The following PLA2G4A variants were observed in gnomAD, a reference collection of about 807,000 sequenced individuals.
The protein encoded by PLA2G4A is cytosolic phospholipase A2.
A neutral mutation model predicts 81.9 loss-of-function variants in PLA2G4A; 40 were observed. The observed-to-expected ratio is 0.49, with a 90% CI of 0.38 to 0.64. PLA2G4A has a LOEUF of 0.64. PLA2G4A is among the 30% of genes least tolerant of loss of function. The pLI, the probability that PLA2G4A is intolerant of heterozygous loss-of-function variation, is 0.00. For missense variants in PLA2G4A, 715 were observed against 905.1 expected (o/e 0.79, Z 2.69); for synonymous variants, 302 against 296.9 (o/e 1.02, Z -0.18).
intron 15 of PLA2G4A, among the ~76,000 whole-genome samples, chr1:186,966,404 A>G (rs933330080): frequency 6.6e-6 from 1 of 152,152 alleles, no homozygotes; most frequent in East Asian, 1.9e-4. Flanking sequence ...GGGGAACAGT[A>G]TTGAAATGTC....
chr1:186,887,536 C>T (rs1200165452), intron 3 of PLA2G4A, among the ~76,000 whole-genome samples: 2 of 151,968 alleles, frequency 1.3e-5, no homozygotes, highest in Non-Finnish European at 2.9e-5. Context: ...TTTTGTTTGT[C>T]AAGATTTAGA....
At chr1:186,913,925 A>G (rs1250922565) in intron 7 of PLA2G4A, among the ~76,000 whole-genome samples, 2 of 152,170 alleles carry the variant, frequency 1.3e-5, no homozygotes, top group African/African-American at 4.8e-5. Flanking sequence ...TCAAAAGCCA[A>G]CCTACTGATG....
chr1:186,940,230 T>A, intron 10 of PLA2G4A, 136 bp downstream of exon 10: 1 of 668,782 alleles, frequency 1.5e-6, no homozygotes, highest in Non-Finnish European at 2.7e-6. Flanking sequence ...ACTTTGAAGA[T>A]ATAAGAAAAT....
chr1:186,870,398 G>C (rs761067300), intron 2 of PLA2G4A, 37 bp from the exon 3 acceptor site: 2 of 1,227,900 alleles, frequency 1.6e-6, no homozygotes, highest in South Asian at 2.4e-5. Flanking sequence ...TTCTATGTTG[G>C]AAGCTTATTT....
At chr1:186,840,387 A>T (rs994443460) in intron 1 of PLA2G4A, among the ~76,000 whole-genome samples, 2 of 152,104 alleles carry the variant, frequency 1.3e-5, no homozygotes, top group Non-Finnish European at 2.9e-5. Flanking sequence ...CTAAAATAAG[A>T]TTTCTAAAAC....
intron 13 of PLA2G4A, among the ~76,000 whole-genome samples, chr1:186,955,188 A>G (rs1258424327): frequency 2.0e-5 from 3 of 152,206 alleles, no homozygotes; most frequent in Admixed American, 2.0e-4. Flanking sequence ...TGATTGCTGA[A>G]TTTTAAAATG....
intron 1 of PLA2G4A, among the ~76,000 whole-genome samples, chr1:186,840,283 C>T (rs1281680522): frequency 6.6e-6 from 1 of 152,158 alleles, no homozygotes; most frequent in African/African-American, 2.4e-5. Flanking sequence ...CAAGTCTACT[C>T]CCTTCAAGTG....
chr1:186,857,168 AT>A (rs1289892534), intron 2 of PLA2G4A, among the ~76,000 whole-genome samples: 15 of 174 alleles, frequency 0.086, no homozygotes, highest in African/African-American at 0.1. Context: ...ATATAATATA[AT>A]TATATAATAT....
At chr1:186,938,976 T>C (rs1433833536) in intron 8 of PLA2G4A, 32 bp from the exon 9 acceptor site, 2 of 1,104,678 alleles carry the variant, frequency 1.8e-6, no homozygotes, top group Admixed American at 1.7e-5. Context: ...ATGCTCTTTA[T>C]CTTTACTGAT....
intron 10 of PLA2G4A, among the ~76,000 whole-genome samples, chr1:186,943,534 A>G (rs750408768): frequency 1.3e-5 from 2 of 152,182 alleles, no homozygotes; most frequent in Non-Finnish European, 2.9e-5. Context: ...ACCTGACATA[A>G]GTGTGTAGAC....
chr1:186,933,243 A>T (rs1308270328), intron 8 of PLA2G4A, among the ~76,000 whole-genome samples: 1 of 152,166 alleles, frequency 6.6e-6, no homozygotes, highest in Non-Finnish European at 1.5e-5. Flanking sequence ...TAATTTGCTG[A>T]TTTGTAGTCC....
chr1:186,858,772 A>G (rs867652195), intron 2 of PLA2G4A, among the ~76,000 whole-genome samples: 2 of 152,038 alleles, frequency 1.3e-5, no homozygotes, highest in Admixed American at 6.6e-5. Flanking sequence ...GTTTTTCGTT[A>G]GTTTCTCCAA....
chr1:186,980,986 C>A (rs1160677113), intron 17 of PLA2G4A, among the ~76,000 whole-genome samples: 1 of 152,092 alleles, frequency 6.6e-6, no homozygotes, highest in Admixed American at 6.5e-5. Context: ...GATACATTAT[C>A]TCTATGGTGA....
intron 17 of PLA2G4A, among the ~76,000 whole-genome samples, chr1:186,979,730 G>A (rs2273169): frequency 0.39 from 59,845 of 151,650 alleles, 14,092 homozygotes; most frequent in East Asian, 0.58. Flanking sequence ...AAGTATCTAT[G>A]TATTTATTAT....
chr1:186,956,566 G>C (rs554660811), intron 14 of PLA2G4A, among the ~76,000 whole-genome samples: 10 of 152,304 alleles, frequency 6.6e-5, no homozygotes, highest in African/African-American at 2.4e-4. Flanking sequence ...CCAGGCTGCA[G>C]TGCAGTGGCA....
rs1553223837 is a variant in PLA2G4A, at chr1:186,983,095, A to AAAAAAG, written c.2118+3627_2118+3628insAGAAAA. 6.0e-3 allele frequency among the ~76,000 whole-genome samples: 898 copies of AAAAAAG among 149,140 alleles called. 15 individuals carry two copies. The highest frequency in any genetic ancestry group is 0.021 in the African/African-American group (840 of 40,038). The stretch of plus-strand genomic sequence containing the variant: ...CAAGAGTCTGTCTCAAAAAAAAAAA[A>AAAAAAG]AAAAGAAAAGAAAAGAAAAGAAAAC... On this transcript the variant is annotated intron_variant, in intron 17 of 17. Coordinates refer to ENST00000367466, the MANE Select transcript of PLA2G4A (RefSeq NM_024420.3).
chr1:186,895,902 T>C (rs937523865), intron 5 of PLA2G4A, among the ~76,000 whole-genome samples: 1 of 152,130 alleles, frequency 6.6e-6, no homozygotes, highest in African/African-American at 2.4e-5. Context: ...AGTTTAATCA[T>C]CTGTAAAATG....
At chr1:186,906,828 T>A (rs138823667) in intron 5 of PLA2G4A, 137 bp from the exon 6 acceptor site, 6 of 589,406 alleles carry the variant, frequency 1.0e-5, no homozygotes, top group African/African-American at 7.5e-5. Context: ...TTCATGGAGC[T>A]GTGTTACTTT....
chr1:186,940,516 G>A (rs1557884179), intron 10 of PLA2G4A, among the ~76,000 whole-genome samples: 1 of 152,082 alleles, frequency 6.6e-6, no homozygotes, highest in Non-Finnish European at 1.5e-5. Flanking sequence ...GCCCCCCTGT[G>A]GATACCAAAT....
Sources: gnomAD v4.1 joint callset for allele counts (sites outside exome capture counted in the v4.1 genomes callset) on GRCh38, gnomAD v4.1.1 for gene constraint, MANE v1.5 for transcripts, NCBI Gene and HGNC (gene_info 2026-07-23, HGNC 2026-07-21) for gene names.